TGM6: variants seen among roughly 807,000 people sequenced by gnomAD.
TGM6 encodes the protein transglutaminase 6.
Under a neutral mutation model 77.5 loss-of-function variants are expected in TGM6, and 74 were observed. The ratio of observed to expected loss-of-function variants is 0.96; its 90% CI spans 0.79 to 1.16. TGM6 has a LOEUF of 1.16. Ranked by LOEUF, TGM6 falls within the 50% of genes most tolerant of loss-of-function variation. The pLI is 0.00. For synonymous variants in TGM6, 383 were observed against 378.9 expected (o/e 1.01, Z -0.12); for missense variants, 968 against 940.2 (o/e 1.03, Z -0.39).
At chr20:2,425,223 C>G (rs910883460) in intron 10 of TGM6, among the ~76,000 whole-genome samples, 1 of 151,934 alleles carries the variant, frequency 6.6e-6, no homozygotes, top group Non-Finnish European at 1.5e-5. Flanking sequence ...TGGCATGCTC[C>G]CATAGTCCTA....
At chr20:2,425,170 A>T (rs771919706) in intron 10 of TGM6, among the ~76,000 whole-genome samples, 1 of 152,082 alleles carries the variant, frequency 6.6e-6, no homozygotes, top group African/African-American at 2.4e-5. Flanking sequence ...GCAATACCCC[A>T]TCTCTACAAA....
At chr20:2,396,327 G>T (rs2084666880) in intron 3 of TGM6, among the ~76,000 whole-genome samples, 179 bp from the exon 4 acceptor site, 1 of 152,124 alleles carries the variant, frequency 6.6e-6, no homozygotes, top group South Asian at 2.1e-4. Flanking sequence ...TTAAAGACTT[G>T]CCAGGAGGGA....
At chr20:2,408,257 T>A (rs1445943562) in intron 9 of TGM6, among the ~76,000 whole-genome samples, 1 of 152,162 alleles carries the variant, frequency 6.6e-6, no homozygotes, top group Non-Finnish European at 1.5e-5. Context: ...CCAGGACACA[T>A]GCTAGAGCTA....
intron 1 of TGM6, among the ~76,000 whole-genome samples, chr20:2,388,387 C>T (rs2084609596): frequency 6.6e-6 from 1 of 152,180 alleles, no homozygotes; most frequent in Non-Finnish European, 1.5e-5. Context: ...GGCTGTGACT[C>T]CTATGGGGTC....
chr20:2,389,537 G>T (rs1011853447), intron 1 of TGM6, among the ~76,000 whole-genome samples: 2 of 152,068 alleles, frequency 1.3e-5, no homozygotes, highest in Non-Finnish European at 2.9e-5. Flanking sequence ...TTTTTTGTCC[G>T]TAATACCCTC....
intron 3 of TGM6, among the ~76,000 whole-genome samples, chr20:2,395,987 C>T (rs1484254830): frequency 6.6e-6 from 1 of 152,044 alleles, no homozygotes; most frequent in Non-Finnish European, 1.5e-5. Flanking sequence ...TCAAGACCAG[C>T]CTGACCAACA....
chr20:2,395,320 G>T lies in TGM6; in HGVS notation c.308G>T (p.Ser103Ile). ...MEKTLTVSLASPPSAVIGRYL... is the reference protein window; with the variant it reads ...MEKTLTVSLAIPPSAVIGRYL... ...AAAACTCTGACCGTCAGTCTCGCCA[G>T]CCCTCCCAGTGCTGTCATTGGCCGC... Residue 103 changes from serine to isoleucine, a missense_variant, in exon 3 of 13, where the codon AGC (serine) becomes ATC (isoleucine). By Grantham distance (142) the Ser-to-Ile change is moderately radical. Transcript: ENST00000202625. The T allele has an allele frequency of 6.2e-7, 1 of 1,614,226 alleles. No individual in the cohort carries two copies. Among genetic ancestry groups the T allele is most frequent in the East Asian group, 2.2e-5 (1 of 44,882 alleles).
At chr20:2,397,557 ATGT>A (rs1033984823) in intron 4 of TGM6, among the ~76,000 whole-genome samples, 26 of 152,328 alleles carry the variant, frequency 1.7e-4, no homozygotes, top group East Asian at 9.6e-4. Context: ...CAATTTTTAA[ATGT>A]TGTTAACTAA....
intron 7 of TGM6, among the ~76,000 whole-genome samples, chr20:2,401,962 G>A (rs1037347733): frequency 6.6e-6 from 1 of 152,212 alleles, no homozygotes; most frequent in Admixed American, 6.5e-5. Context: ...AGATGGCTGG[G>A]CGCGGTGGCT....
At chr20:2,393,008 C>CCGCA (rs1391700342) in intron 1 of TGM6, among the ~76,000 whole-genome samples, 1 of 152,246 alleles carries the variant, frequency 6.6e-6, no homozygotes, top group Non-Finnish European at 1.5e-5. Context: ...TACAGTCTCA[C>CCGCA]CGCACCATGC....
chr20:2,400,547 C>A, intron 7 of TGM6, 103 bp downstream of exon 7: 2 of 1,541,546 alleles, frequency 1.3e-6, no homozygotes, highest in Non-Finnish European at 1.8e-6. Context: ...GGCCCAGAGC[C>A]CAGCTCTCCT....
intron 7 of TGM6, among the ~76,000 whole-genome samples, chr20:2,402,166 T>A (rs2084715000): frequency 1.3e-5 from 2 of 151,990 alleles, no homozygotes; most frequent in Non-Finnish European, 2.9e-5. Context: ...CACTTGAACC[T>A]GGGAAGCGGA....
Position 2,400,427 on chromosome 20 carries a change from G to A in TGM6, c.972G>A (p.Leu324=), listed in dbSNP as rs758906852. The change falls in exon 7 of 13, where the codon CTG becomes CTA. Residue 324 remains leucine (L), a synonymous_variant. Transcript: ENST00000202625. ...CCTTCGGGCGGACCCTGGAGGACCT[G>A]ACAGAAGACAGCATGTGGTGGGTCC... The part of the protein sequence containing the change: ...VDSFGRTLED[L]TEDSMWNFHV... The A allele has an allele frequency of 1.2e-6, 2 of 1,614,176 alleles. No individual in the cohort carries two copies. The highest frequency in any genetic ancestry group is 2.2e-5 in the South Asian group (2 of 91,078).
chr20:2,390,702 A>T (rs1431612353), intron 1 of TGM6, among the ~76,000 whole-genome samples: 1 of 152,242 alleles, frequency 6.6e-6, no homozygotes, highest in Admixed American at 6.5e-5. Context: ...ATGGAGGAAA[A>T]TAGTGGAGAA....
chr20:2,430,862 G>A (rs777196917), intron 11 of TGM6, 32 bp from the exon 12 acceptor site: 1 of 1,614,128 alleles, frequency 6.2e-7, no homozygotes, highest in Non-Finnish European at 8.5e-7. Flanking sequence ...GGAGGGGTAG[G>A]CGCGATGGCT....
At chr20:2,395,053 C>T in intron 2 of TGM6, 141 bp from the exon 3 acceptor site, 1 of 1,390,746 alleles carries the variant, frequency 7.2e-7, no homozygotes, top group African/African-American at 1.4e-5. Context: ...GGCCTTCTTG[C>T]TCTTTGTCAG....
intron 9 of TGM6, among the ~76,000 whole-genome samples, chr20:2,404,881 T>C (rs2122379228): frequency 6.6e-6 from 1 of 152,288 alleles, no homozygotes; most frequent in Non-Finnish European, 1.5e-5. Context: ...CCTCAGGTGA[T>C]CTACTCACCT....
intron 2 of TGM6, among the ~76,000 whole-genome samples, 178 bp downstream of exon 2, chr20:2,394,803 A>G (rs2084651846): frequency 6.6e-6 from 1 of 152,040 alleles, no homozygotes. Context: ...GGTGGTTGGG[A>G]GGTGCTGCCA....
intron 10 of TGM6, among the ~76,000 whole-genome samples, chr20:2,426,744 A>C (rs1273419254): frequency 6.6e-6 from 1 of 152,166 alleles, no homozygotes; most frequent in African/African-American, 2.4e-5. Context: ...GATTTTATCA[A>C]ATTCTTTTTC....
Sources: allele counts gnomAD v4.1 joint callset (sites outside exome capture counted in the v4.1 genomes callset), GRCh38; gene constraint gnomAD v4.1.1; transcripts MANE v1.5; gene names NCBI Gene and HGNC (gene_info 2026-07-23, HGNC 2026-07-21).